Variants in TRUB2 observed in about 807,000 individuals in gnomAD.
TRUB2 encodes the protein pseudouridylate synthase TRUB2, mitochondrial.
TRUB2 carries 31 observed loss-of-function variants against 31.9 expected under a neutral mutation model. The ratio of observed to expected loss-of-function variants is 0.97; its 90% CI spans 0.73 to 1.31. TRUB2 has a LOEUF of 1.31. TRUB2 is among the 50% of genes most tolerant of loss of function. The probability of loss-of-function intolerance (pLI) is 0.00; values close to 1 mark genes in which losing one functional copy is unlikely to be tolerated. For synonymous variants in TRUB2, 201 were observed against 182.6 expected (o/e 1.10, Z -0.81); for missense variants, 451 against 439.6 (o/e 1.03, Z -0.23).
At chr9:128,315,824 A>G (rs1166070469) in intron 3 of TRUB2, 196 bp from the exon 4 acceptor site, 2 of 604,058 alleles carry the variant, frequency 3.3e-6, no homozygotes, top group Admixed American at 2.6e-5. Context: ...GGCCTTACCC[A>G]TATGCACTGA....
chr9:128,320,610 G>A (rs1832148905), intron 2 of TRUB2, among the ~76,000 whole-genome samples: 1 of 152,042 alleles, frequency 6.6e-6, no homozygotes, highest in South Asian at 2.1e-4. Context: ...GGGATTACAG[G>A]TGTGAGCCAC....
intron 2 of TRUB2, 110 bp downstream of exon 2, chr9:128,321,489 C>T (rs1022927597): frequency 1.9e-6 from 3 of 1,564,866 alleles, no homozygotes; most frequent in Non-Finnish European, 2.6e-6. Context: ...TACCTCACTC[C>T]TCTGTGGACC....
At chr9:128,313,947 C>T (rs1588523850) in intron 4 of TRUB2, 58 bp from the exon 5 acceptor site, 6 of 1,550,948 alleles carry the variant, frequency 3.9e-6, no homozygotes, top group Non-Finnish European at 5.3e-6. Flanking sequence ...CCTAGTAGCC[C>T]CTGCCCCAGA....
chr9:128,320,780 A>G (rs965642945), intron 2 of TRUB2, among the ~76,000 whole-genome samples: 2 of 151,522 alleles, frequency 1.3e-5, no homozygotes, highest in Admixed American at 6.6e-5. Flanking sequence ...TATATTTTAA[A>G]TCATCTCTAG....
intron 5 of TRUB2, 51 bp from the exon 6 acceptor site, chr9:128,311,652 C>A: frequency 1.3e-6 from 2 of 1,594,766 alleles, no homozygotes; most frequent in South Asian, 2.2e-5. Flanking sequence ...GAGTATTGGT[C>A]ACAGCAAACT....
chr9:128,321,763 C>T (rs1476041783), intron 1 of TRUB2, 33 bp from the exon 2 acceptor site: 3 of 1,590,694 alleles, frequency 1.9e-6, no homozygotes, highest in African/African-American at 1.3e-5. Flanking sequence ...TACACACATA[C>T]ATACAAATAT....
At chr9:128,316,287 G>A (rs1213968913) in intron 3 of TRUB2, 1 of 152,412 alleles carries the variant, frequency 6.6e-6, no homozygotes, top group Non-Finnish European at 1.5e-5. Context: ...ACCTACTCGG[G>A]AGGCTAAGGC....
intron 4 of TRUB2, among the ~76,000 whole-genome samples, chr9:128,314,502 T>G (rs1286584400): frequency 6.6e-6 from 1 of 152,086 alleles, no homozygotes; most frequent in Non-Finnish European, 1.5e-5. Flanking sequence ...CTGGATACAG[T>G]GACTCACACG....
chr9:128,315,535 G>A lies in TRUB2; in HGVS notation c.378+32C>T, dbSNP rs769591094. ...CTGGTGACCCCCAGGAAAGGACCAA[G>A]GGAGAAGCAGGCTGTCCCCAGACCC... On this transcript the variant is annotated intron_variant, in intron 4 of 7. Transcript: ENST00000372890. 11 of 1,607,550 alleles carry A rather than the reference G, an allele frequency of 6.8e-6. No individual in the cohort carries two copies. The African/African-American group carries it at 1.5e-4, about 22-fold the overall frequency.
chr9:128,319,640 CTT>C (rs869294653), intron 2 of TRUB2, among the ~76,000 whole-genome samples: 41 of 141,772 alleles, frequency 2.9e-4, no homozygotes, highest in Admixed American at 2.1e-4. Flanking sequence ...TCCCATATAC[CTT>C]TTTTTTTTTT....
intron 1 of TRUB2, 77 bp downstream of exon 1, chr9:128,322,223 T>C: frequency 7.9e-7 from 1 of 1,267,278 alleles, no homozygotes. Context: ...GATTTTGTTT[T>C]GGGGTAAGGA....
At chr9:128,316,022 G>C (rs1256072226) in intron 3 of TRUB2, 1 of 212,690 alleles carries the variant, frequency 4.7e-6, no homozygotes, top group East Asian at 1.0e-4. Flanking sequence ...TAAAAATACT[G>C]TCTGAAGGCC....
At chr9:128,311,401 C>T in intron 6 of TRUB2, 128 bp downstream of exon 6, 1 of 959,044 alleles carries the variant, frequency 1.0e-6, no homozygotes, top group Non-Finnish European at 1.6e-6. Flanking sequence ...AAGAAAGAAA[C>T]AGGTAGCTCC....
In TRUB2 at chr9:128,311,005, C is replaced by T; in HGVS notation, c.552G>A (p.Leu184=). 6.2e-7 allele frequency: 1 copy of T among 1,614,142 alleles called. No homozygotes were observed. Among genetic ancestry groups the T allele is most frequent in the South Asian group, 1.1e-5 (1 of 91,082 alleles). ...CCATCTCATAGGCCTCCTGGGTCTT[C>T]AGGTCGAGGTTGGAGTACCTGCAGA... ...KALVMYSNLD[L]KTQEAYEMAV... The change falls in exon 7 of 8, where the codon CTG becomes CTA. Residue 184 remains leucine (L), a synonymous_variant. Transcript: ENST00000372890.
chr9:128,314,898 G>T (rs1832041033), intron 4 of TRUB2, among the ~76,000 whole-genome samples: 1 of 152,084 alleles, frequency 6.6e-6, no homozygotes, highest in Non-Finnish European at 1.5e-5. Context: ...TTTTACAGAT[G>T]AGGAAACTGA....
chr9:128,315,413 T>C (rs1444835753), intron 4 of TRUB2, among the ~76,000 whole-genome samples, 154 bp downstream of exon 4: 1 of 152,126 alleles, frequency 6.6e-6, no homozygotes, highest in Non-Finnish European at 1.5e-5. Flanking sequence ...TTATTGTTAT[T>C]ATTATTACAG....
At position 128,322,281 on chromosome 9, in the gene TRUB2, T is replaced by C. The variant is rs764012479; in HGVS notation, c.109+19A>G. 7 of 1,600,214 alleles carry C rather than the reference T, an allele frequency of 4.4e-6. No homozygotes were observed. In the South Asian group the frequency reaches 7.7e-5, roughly 18 times the overall value. ...AAGAGAACGAGAGCGGGAACGTGGGTCTGGTTCGAGGCACTCACCCTTCAG... is the reference window on the plus strand; with the variant it reads ...AAGAGAACGAGAGCGGGAACGTGGGCCTGGTTCGAGGCACTCACCCTTCAG... On this transcript the variant is annotated intron_variant, in intron 1 of 7. Coordinates refer to ENST00000372890, the MANE Select transcript of TRUB2 (RefSeq NM_015679.3).
chr9:128,311,085 G>A, intron 6 of TRUB2, 62 bp from the exon 7 acceptor site: 1 of 1,590,320 alleles, frequency 6.3e-7, no homozygotes, highest in East Asian at 2.3e-5. Context: ...CACATGAGGT[G>A]CCTCTCTGGA....
intron 2 of TRUB2, among the ~76,000 whole-genome samples, chr9:128,319,681 C>T (rs1398796193): frequency 4.6e-5 from 7 of 151,378 alleles, no homozygotes; most frequent in Admixed American, 1.3e-4. Context: ...CTCTTTCACC[C>T]AGGCTGGAGT....
Sources: gnomAD v4.1 joint callset for allele counts (sites outside exome capture counted in the v4.1 genomes callset) on GRCh38, gnomAD v4.1.1 for gene constraint, MANE v1.5 for transcripts, NCBI Gene and HGNC (gene_info 2026-07-23, HGNC 2026-07-21) for gene names.